Variants in ERC1 observed in about 807,000 individuals in gnomAD.
ERC1 encodes the protein RAB6 interacting protein 2.
Under a neutral mutation model 132.0 loss-of-function variants are expected in ERC1, and 56 were observed. That is an observed-to-expected ratio of 0.42 (90% confidence interval 0.34 to 0.53). ERC1 has a LOEUF of 0.53. Ranked by LOEUF, ERC1 falls within the 20% of genes least tolerant of loss-of-function variation. The pLI is 0.03. For missense variants in ERC1, 1,202 were observed against 1,349.9 expected (o/e 0.89, Z 1.72); for synonymous variants, 478 against 476.1 (o/e 1.00, Z -0.05).
intron 8 of ERC1, among the ~76,000 whole-genome samples, chr12:1,147,344 C>G (rs1215359556): frequency 6.6e-6 from 1 of 152,088 alleles, no homozygotes. Context: ...ATTTTGTTAA[C>G]TGCTTTTTTG....
intron 17 of ERC1, among the ~76,000 whole-genome samples, chr12:1,440,636 G>GA (rs2093119985): frequency 7.5e-6 from 1 of 133,412 alleles, no homozygotes; most frequent in Non-Finnish European, 1.6e-5. Flanking sequence ...GTGTGTGTGT[G>GA]TGTGTGTGTG....
At chr12:1,408,494 GA>G (rs1197096124) in intron 17 of ERC1, among the ~76,000 whole-genome samples, 8 of 152,120 alleles carry the variant, frequency 5.3e-5, no homozygotes, top group African/African-American at 1.9e-4. Context: ...ATTGGGTTGA[GA>G]AAAAAATTAA....
chr12:1,021,138 A>C (rs1966297278), intron 1 of ERC1, among the ~76,000 whole-genome samples: 2 of 151,614 alleles, frequency 1.3e-5, no homozygotes. Context: ...ACGGGGTTTC[A>C]CCATGTTGGC....
At position 1,183,334 on chromosome 12, in the gene ERC1, G is replaced by C. The variant is rs1165772152; in HGVS notation, c.2070G>C (p.Leu690=). ...CTTCTTCTCTGGCATCCTCAGGACT[G>C]AAAAAGGACTCACGGCTTAAGACAC... is the stretch of plus-strand genomic sequence containing the variant. ...EHASSLASSG[L]KKDSRLKTLE... Residue 690 remains leucine (L), a synonymous_variant, in exon 11 of 19, where the codon CTG becomes CTC. Coordinates refer to ENST00000360905, the MANE Select transcript of ERC1 (RefSeq NM_178040.4). 6.3e-7 allele frequency: 1 copy of C among 1,599,652 alleles called. No individual in the cohort carries two copies. The highest frequency in any genetic ancestry group is 8.5e-7 in the Non-Finnish European group (1 of 1,170,290).
At chr12:1,290,984 A>G (rs563336652) in intron 15 of ERC1, among the ~76,000 whole-genome samples, 1 of 152,212 alleles carries the variant, frequency 6.6e-6, no homozygotes, top group Non-Finnish European at 1.5e-5. Context: ...GGCCTAAAAT[A>G]AAATTTTTTC....
intron 4 of ERC1, among the ~76,000 whole-genome samples, chr12:1,108,074 C>T (rs555678019): frequency 1.5e-4 from 23 of 152,204 alleles, no homozygotes; most frequent in African/African-American, 5.1e-4. Context: ...CATTGGTACC[C>T]GTTGGGTTGG....
chr12:1,200,442 A>G (rs950448707), intron 12 of ERC1, among the ~76,000 whole-genome samples: 1 of 152,168 alleles, frequency 6.6e-6, no homozygotes, highest in Admixed American at 6.5e-5. Flanking sequence ...GTGCTTTTCC[A>G]GTAGTAACTA....
upstream of ERC1, chr12:990,481 C>T (rs569057947): frequency 1.6e-4 from 25 of 152,314 alleles, no homozygotes; most frequent in African/African-American, 6.0e-4. Context: ...ATAAACAGCT[C>T]CCGAAGCAGC....
chr12:1,273,996 A>G (rs529401832), intron 14 of ERC1, among the ~76,000 whole-genome samples: 1 of 152,340 alleles, frequency 6.6e-6, no homozygotes, highest in Non-Finnish European at 1.5e-5. Context: ...ATAATGGTGG[A>G]AGACTAGATC....
chr12:1,196,957 CACACATATAT>C lies in ERC1; in HGVS notation c.2351+6907_2351+6916del, dbSNP rs1356861213. On this transcript the variant is annotated intron_variant, in intron 12 of 18. Transcript: ENST00000360905. Reference sequence around the variant, plus strand: ...ACACACACACACACACACACACACACACACATATATATATATATATTTTTTTTTTTTTTTT... The same window carrying C: ...ACACACACACACACACACACACACACATATATATATTTTTTTTTTTTTTTT... Among the ~76,000 whole-genome samples, 98 of 21,536 alleles carry C rather than the reference CACACATATAT, an allele frequency of 4.6e-3. 1 individual carries two copies. Among genetic ancestry groups the C allele is most frequent in the Non-Finnish European group, 5.3e-3 (65 of 12,182 alleles). 14.1% of individuals were successfully genotyped at this position (21,536 alleles called of 152,430 possible).
At chr12:1,164,629 T>C (rs1952220975) in intron 8 of ERC1, among the ~76,000 whole-genome samples, 1 of 152,216 alleles carries the variant, frequency 6.6e-6, no homozygotes, top group South Asian at 2.1e-4. Flanking sequence ...CGTGAGCCAC[T>C]GTGCCTGGCC....
At chr12:1,176,094 T>C (rs1566150888) in intron 8 of ERC1, among the ~76,000 whole-genome samples, 1 of 152,248 alleles carries the variant, frequency 6.6e-6, no homozygotes, top group African/African-American at 2.4e-5. Context: ...AAGTTTTCAA[T>C]TTACTTTGCC....
At chr12:1,381,719 A>G (rs376437016) in intron 16 of ERC1, among the ~76,000 whole-genome samples, 11 of 152,136 alleles carry the variant, frequency 7.2e-5, no homozygotes, top group African/African-American at 2.6e-4. Flanking sequence ...CACTGTCCTC[A>G]CTTCTGGAAT....
chr12:1,060,539 G>A (rs1170866215), intron 2 of ERC1, among the ~76,000 whole-genome samples: 2 of 152,068 alleles, frequency 1.3e-5, no homozygotes, highest in Admixed American at 1.3e-4. Flanking sequence ...GTATTCCATG[G>A]TGTATATGAA....
At chr12:1,335,231 C>T (rs1254296295) in intron 15 of ERC1, among the ~76,000 whole-genome samples, 1 of 152,122 alleles carries the variant, frequency 6.6e-6, no homozygotes, top group Non-Finnish European at 1.5e-5. Flanking sequence ...CTTTCTTTTG[C>T]CTGATTGCCC....
At chr12:1,117,567 A>G (rs900756588) in intron 7 of ERC1, among the ~76,000 whole-genome samples, 3 of 152,332 alleles carry the variant, frequency 2.0e-5, no homozygotes, top group Admixed American at 6.5e-5. Context: ...ACCACTTACT[A>G]TGAGTCGCGT....
At chr12:1,026,852 C>T (rs529489429) in intron 1 of ERC1, among the ~76,000 whole-genome samples, 2 of 152,286 alleles carry the variant, frequency 1.3e-5, no homozygotes, top group South Asian at 4.1e-4. Context: ...TATCTTTACT[C>T]TCCATTTGAA....
intron 16 of ERC1, among the ~76,000 whole-genome samples, chr12:1,394,077 A>T (rs550743193): frequency 6.7e-6 from 1 of 148,588 alleles, no homozygotes; most frequent in East Asian, 2.0e-4. Flanking sequence ...ATTTCTGTAT[A>T]TTTAGTAAGG....
chr12:1,167,651 A>G (rs1279476606), intron 8 of ERC1, among the ~76,000 whole-genome samples: 1 of 151,822 alleles, frequency 6.6e-6, no homozygotes, highest in Non-Finnish European at 1.5e-5. Context: ...GATTAGAAAA[A>G]TCATGTAATT....
Sources: gnomAD v4.1 joint callset for allele counts (sites outside exome capture counted in the v4.1 genomes callset) on GRCh38, gnomAD v4.1.1 for gene constraint, MANE v1.5 for transcripts, NCBI Gene and HGNC (gene_info 2026-07-23, HGNC 2026-07-21) for gene names.